EPB41: variants seen among roughly 807,000 people sequenced by gnomAD.
EPB41 encodes the protein protein 4.1.
EPB41 carries 65 observed loss-of-function variants against 108.0 expected under a neutral mutation model. That is an observed-to-expected ratio of 0.60 (90% CI 0.49 to 0.74). EPB41 has a LOEUF of 0.74. Among genes scored for constraint, EPB41 ranks in the 30% least tolerant of loss-of-function variants. EPB41 has a pLI of 0.00. For synonymous variants in EPB41, 336 were observed against 358.9 expected, an observed-to-expected ratio of 0.94 and a Z score of 0.72; for missense variants, 875 against 1,037.0, an observed-to-expected ratio of 0.84 and a Z score of 2.15.
upstream of EPB41, among the ~76,000 whole-genome samples, chr1:28,911,905 G>A (rs2092277223): frequency 0.15 from 8 of 52 alleles, no homozygotes; most frequent in Admixed American, 0.5. Context: ...AGCCAGGCGT[G>A]GTGCACATGC....
intron 12 of EPB41, chr1:29,054,417 A>G (rs1366223073): frequency 2.0e-5 from 3 of 152,050 alleles, no homozygotes; most frequent in Admixed American, 6.6e-5. Context: ...TTTTTTAACC[A>G]TAAGATCTTA....
intron 7 of EPB41, among the ~76,000 whole-genome samples, chr1:29,028,172 C>G (rs2096746051): frequency 6.6e-6 from 1 of 152,188 alleles, no homozygotes; most frequent in Non-Finnish European, 1.5e-5. Context: ...AAGCATGTAA[C>G]TACATACTGT....
intron 16 of EPB41, 120 bp from the exon 17 acceptor site, chr1:29,097,687 G>A (rs926856173): frequency 1.6e-6 from 2 of 1,241,696 alleles, no homozygotes; most frequent in Non-Finnish European, 2.3e-6. Context: ...AAACACCTTT[G>A]TAGATTGAGC....
chr1:28,901,052 C>A (rs926151423), intron 1 of EPB41, among the ~76,000 whole-genome samples: 1 of 151,876 alleles, frequency 6.6e-6, no homozygotes, highest in Admixed American at 6.6e-5. Flanking sequence ...GCCTCAGCCT[C>A]CTGAGTAGCT....
At chr1:28,997,394 A>G (rs575777158) in intron 4 of EPB41, 75 bp downstream of exon 4, 25 of 885,364 alleles carry the variant, frequency 2.8e-5, no homozygotes, top group Admixed American at 1.2e-4. Context: ...GAATGTATCT[A>G]TACCTGCTTC....
At chr1:29,108,360 CT>C (rs1667947922) in intron 17 of EPB41, among the ~76,000 whole-genome samples, 1 of 151,358 alleles carries the variant, frequency 6.6e-6, no homozygotes, top group Non-Finnish European at 1.5e-5. Flanking sequence ...GTTGGTCATT[CT>C]GGTCTCAAAC....
intron 1 of EPB41, among the ~76,000 whole-genome samples, chr1:28,946,351 C>T (rs1285160734): frequency 2.0e-5 from 3 of 152,136 alleles, no homozygotes; most frequent in African/African-American, 4.8e-5. Flanking sequence ...TCGTGATCCA[C>T]CTGCCTTGGC....
At chr1:29,045,331 T>A (rs1334280292) in intron 11 of EPB41, among the ~76,000 whole-genome samples, 1 of 152,020 alleles carries the variant, frequency 6.6e-6, no homozygotes, top group African/African-American at 2.4e-5. Context: ...AGATTTATTC[T>A]TACAGATTTG....
chr1:28,990,470 G>A (rs1453364460), intron 2 of EPB41, among the ~76,000 whole-genome samples: 1 of 150,636 alleles, frequency 6.6e-6, no homozygotes, highest in Non-Finnish European at 1.5e-5. Flanking sequence ...ACCCAGACTA[G>A]AATACAGTGG....
At chr1:28,992,855 A>G (rs2096062075) in intron 2 of EPB41, among the ~76,000 whole-genome samples, 1 of 152,322 alleles carries the variant, frequency 6.6e-6, no homozygotes, top group South Asian at 2.1e-4. Flanking sequence ...AGCCTACTAC[A>G]TGTTTGCTTA....
At chr1:29,035,030 G>A (rs1264008150) in intron 9 of EPB41, among the ~76,000 whole-genome samples, 2 of 138,540 alleles carry the variant, frequency 1.4e-5, no homozygotes, top group African/African-American at 5.4e-5. Flanking sequence ...CACCCAGGCT[G>A]GAGTGCAGTG....
At chr1:28,977,198 A>G (rs947589408) in intron 1 of EPB41, among the ~76,000 whole-genome samples, 1 of 152,064 alleles carries the variant, frequency 6.6e-6, no homozygotes, top group Non-Finnish European at 1.5e-5. Flanking sequence ...GAAGAGTAAT[A>G]CCTAGAATTA....
At chr1:29,112,742 T>A (rs1669602513) in intron 19 of EPB41, among the ~76,000 whole-genome samples, 2 of 152,214 alleles carry the variant, frequency 1.3e-5, no homozygotes, top group South Asian at 4.1e-4. Context: ...ATTTTGCATC[T>A]GTAAGATGAA....
intron 4 of EPB41, among the ~76,000 whole-genome samples, chr1:29,003,480 G>T (rs2096342395): frequency 6.6e-6 from 1 of 151,506 alleles, no homozygotes; most frequent in Non-Finnish European, 1.5e-5. Flanking sequence ...TAGTTTTTTT[G>T]TTTCCTCTAC....
intron 14 of EPB41, among the ~76,000 whole-genome samples, chr1:29,059,642 G>A (rs188101546): frequency 6.6e-6 from 1 of 151,576 alleles, no homozygotes; most frequent in African/African-American, 2.4e-5. Context: ...GCCAGGCATG[G>A]TGATACACTC....
chr1:28,913,114 T>C (rs1421433245), upstream of EPB41, among the ~76,000 whole-genome samples: 1 of 151,762 alleles, frequency 6.6e-6, no homozygotes. Flanking sequence ...TAGGTGGGAG[T>C]CCCAGCTACT....
rs2089582503 is a variant in EPB41, at chr1:28,887,651, G to T, written c.-8+441G>T. On this transcript the variant is annotated intron_variant, in intron 1 of 16. Transcript: ENST00000347529. The surrounding 1 kb of genome is among the most constrained non-coding windows in gnomAD (Gnocchi z 4.9). ...TGGAGCGGGCTGGCGGCTAGCAGCG[G>T]GAGGGGGCTCCGGGGCCTGGAGCCC... is the stretch of plus-strand genomic sequence containing the variant. The T allele has an allele frequency of 1.0e-6, 1 of 985,190 alleles. No individual in the cohort carries two copies. The highest frequency in any genetic ancestry group is 4.7e-5 in the South Asian group (1 of 21,294). The allele number at this position is 985,190 out of a possible 1,614,324, so 61.0% of individuals were successfully genotyped here.
At chr1:29,041,774 A>T (rs1005293806) in intron 11 of EPB41, among the ~76,000 whole-genome samples, 1 of 152,206 alleles carries the variant, frequency 6.6e-6, no homozygotes, top group Non-Finnish European at 1.5e-5. Context: ...CCTGATTCCA[A>T]TATCAACCCT....
At chr1:29,052,482 T>C (rs974055592) in intron 11 of EPB41, among the ~76,000 whole-genome samples, 1 of 152,178 alleles carries the variant, frequency 6.6e-6, no homozygotes, top group African/African-American at 2.4e-5. Context: ...AGTCAAAGAT[T>C]TTGAATTTGT....
Sources: allele counts gnomAD v4.1 joint callset (sites outside exome capture counted in the v4.1 genomes callset), GRCh38; gene constraint gnomAD v4.1.1; non-coding constraint Gnocchi (gnomAD v3.1); transcripts MANE v1.5; gene names NCBI Gene and HGNC (gene_info 2026-07-23, HGNC 2026-07-21).